ESPL1: variants seen among roughly 807,000 people sequenced by gnomAD.
The protein encoded by ESPL1 is extra spindle pole bodies like 1, separase.
ESPL1 carries 50 observed loss-of-function variants against 217.2 expected under a neutral mutation model. That is an observed-to-expected ratio of 0.23 (90% CI 0.18 to 0.29). The LOEUF is 0.29. Ranked by LOEUF, ESPL1 falls within the 10% of genes least tolerant of loss-of-function variation. The probability of loss-of-function intolerance (pLI) is 1.00; values close to 1 mark genes in which losing one functional copy is unlikely to be tolerated. For synonymous variants in ESPL1, 994 were observed against 1,081.3 expected (o/e 0.92, Z 1.58); for missense variants, 1,834 against 2,603.0 (o/e 0.70, Z 6.43).
chr12:53,268,427 G>T (rs568609502), intron 1 of ESPL1, 50 bp downstream of exon 1: 9 of 293,568 alleles, frequency 3.1e-5, no homozygotes, highest in Non-Finnish European at 5.8e-5. Context: ...AAGTGAAGGG[G>T]ATCCCCAGCG....
At chr12:53,275,973 G>A (rs528254744) in intron 7 of ESPL1, among the ~76,000 whole-genome samples, 1 of 152,304 alleles carries the variant, frequency 6.6e-6, no homozygotes, top group East Asian at 1.9e-4. Context: ...GATGAGACCT[G>A]AGGATGTGAA....
chr12:53,284,006 C>A, intron 16 of ESPL1, 52 bp from the exon 17 acceptor site: 2 of 1,338,872 alleles, frequency 1.5e-6, no homozygotes, highest in East Asian at 2.3e-5. Context: ...GAAAGACTCT[C>A]CAGGAAAACA....
intron 1 of ESPL1, 101 bp from the exon 2 acceptor site, chr12:53,268,654 T>G: frequency 1.5e-6 from 1 of 673,856 alleles, no homozygotes; most frequent in South Asian, 1.9e-5. Flanking sequence ...CGATGAAATT[T>G]CTGATGTGAT....
chr12:53,275,870 C>A (rs77770016), intron 7 of ESPL1, among the ~76,000 whole-genome samples: 3 of 151,904 alleles, frequency 2.0e-5, no homozygotes, highest in African/African-American at 7.3e-5. Context: ...CCAGCCTTCA[C>A]GTATGCTCTA....
intron 6 of ESPL1, among the ~76,000 whole-genome samples, chr12:53,273,597 G>A (rs1943713254): frequency 6.6e-6 from 1 of 150,848 alleles, no homozygotes; most frequent in Admixed American, 6.6e-5. Flanking sequence ...CGTCTCTACT[G>A]AAAATACAAA....
intron 22 of ESPL1, 142 bp from the exon 23 acceptor site, chr12:53,289,943 G>A: frequency 1.2e-6 from 1 of 854,480 alleles, no homozygotes; most frequent in Non-Finnish European, 1.8e-6. Flanking sequence ...AGCTATTAGA[G>A]CAAGGGAGAG....
At position 53,270,613 on chromosome 12, in the gene ESPL1, G is replaced by A. The variant is rs1005321855; in HGVS notation, c.1249-65G>A. The A allele has an allele frequency of 2.5e-6, 4 of 1,610,028 alleles. No individual in the cohort carries two copies. In the African/African-American group the frequency reaches 4.0e-5, roughly 16 times the overall value. ...GGGGTTGCTTGGCTTTGGGTGTGGA[G>A]TGCGGTGGAGGTCATCTTGGACCCA... On this transcript the variant is annotated intron_variant, in intron 4 of 30. Transcript: ENST00000257934.
At chr12:53,288,986 T>C in intron 20 of ESPL1, 104 bp from the exon 21 acceptor site, 1 of 941,414 alleles carries the variant, frequency 1.1e-6, no homozygotes, top group Admixed American at 2.0e-5. Flanking sequence ...GTAGTTGCTG[T>C]TTGCCATGTG....
In ESPL1 at chr12:53,292,932, G is replaced by A. The variant is rs953778236; in HGVS notation, c.6123G>A (p.Glu2041=). The A allele has an allele frequency of 2.5e-6, 4 of 1,613,790 alleles. No homozygotes were observed. The highest frequency in any genetic ancestry group is 1.1e-5 in the South Asian group (1 of 91,076). ...SAALAVRGNL[E]GAGIVLKYIM... ...CCCTGGCTGTGCGTGGAAACCTGGA[G>A]GGGGCTGGCATCGTGCTCAAGTACA... The change falls in exon 30 of 31, where the codon GAG becomes GAA. Residue 2041 remains glutamate, a synonymous_variant. Transcript: ENST00000257934. This position sits in a 1 kb window ranked among gnomAD's most constrained non-coding sequence, Gnocchi z 4.5.
At position 53,283,125 on chromosome 12, in the gene ESPL1, A is replaced by G; in HGVS notation, c.2792-4A>G. 1.2e-6 allele frequency: 2 copies of G among 1,614,138 alleles called. No homozygotes were observed. The highest frequency in any genetic ancestry group is 1.7e-6 in the Non-Finnish European group (2 of 1,180,028). ...TTCTCCCTTTTTCACCCCACCCACC[A>G]CAGGCTGGCAGACACCTGAGATAGC... On this transcript the variant is annotated splice_region_variant and splice_polypyrimidine_tract_variant and intron_variant, in intron 14 of 30. Coordinates refer to ENST00000257934, the MANE Select transcript of ESPL1 (RefSeq NM_012291.5).
chr12:53,291,946 T>C (rs1269600620), intron 26 of ESPL1, 38 bp from the exon 27 acceptor site: 27 of 1,608,342 alleles, frequency 1.7e-5, no homozygotes, highest in Non-Finnish European at 2.0e-5. Context: ...TGCATATACC[T>C]GGCTGGGGAC....
Position 53,286,680 on chromosome 12 carries a change from G to A in ESPL1, c.3944G>A (p.Arg1315His), listed in dbSNP as rs780384845. 7.4e-6 allele frequency: 12 copies of A among 1,614,128 alleles called. No individual in the cohort carries two copies. The highest frequency in any genetic ancestry group is 3.3e-5 in the South Asian group (3 of 91,086). Residue 1315 changes from arginine (R) to histidine (H), a missense_variant, in exon 18 of 31, where the codon CGT (arginine) becomes CAT (histidine). Coordinates refer to ENST00000257934, the MANE Select transcript of ESPL1 (RefSeq NM_012291.5). The surrounding 1 kb of genome is among the most constrained non-coding windows in gnomAD (Gnocchi z 5.3). ...CCCTCTAAGACTCAGGGCCAAAAACGTTCTGGACGAGGGCGCCAAAAGTTA... is the reference window on the plus strand; with the variant it reads ...CCCTCTAAGACTCAGGGCCAAAAACATTCTGGACGAGGGCGCCAAAAGTTA... ...SEPSKTQGQK[R>H]SGRGRQKLAS...
Position 53,282,226 on chromosome 12 carries a change from C to T in ESPL1, c.2620-38C>T, listed in dbSNP as rs1341900596. The stretch of plus-strand genomic sequence containing the variant: ...GCCTCTCAAGCTCTGGAGTGCCTGA[C>T]TGCCTTACTGCCTCCTCTGGCTCCT... On this transcript the variant is annotated intron_variant, in intron 13 of 30. Transcript: ENST00000257934. This position sits in a 1 kb window ranked among gnomAD's most constrained non-coding sequence, Gnocchi z 4.0. 1.3e-6 allele frequency: 2 copies of T among 1,596,770 alleles called. No homozygotes were observed. Among genetic ancestry groups the T allele is most frequent in the Non-Finnish European group, 8.6e-7 (1 of 1,165,252 alleles).
At position 53,286,118 on chromosome 12, in the gene ESPL1, G is replaced by T; in HGVS notation, c.3382G>T (p.Val1128Phe). The T allele has an allele frequency of 6.2e-7, 1 of 1,613,882 alleles. No individual in the cohort carries two copies. Among genetic ancestry groups the T allele is most frequent in the Non-Finnish European group, 8.5e-7 (1 of 1,179,792 alleles). Residue 1128 changes from valine to phenylalanine, a missense_variant, in exon 18 of 31, where the codon GTC (valine) becomes TTC (phenylalanine). Physicochemically the swap from Val to Phe is conservative, Grantham distance 50. Around this residue, in one of 5 missense-constraint regions of ESPL1, gnomAD observed 681 missense variants for 808.0 expected, o/e 0.84. Transcript: ENST00000257934. This position sits in a 1 kb window ranked among gnomAD's most constrained non-coding sequence, Gnocchi z 5.3. ...AGCACCTTCTACAAACTCCTCCCCA[G>T]TCTTGAAAACCAAGCCCCAGCCCAT... The part of the protein sequence containing the change: ...PIAPSTNSSP[V>F]LKTKPQPIPN...
At position 53,282,811 on chromosome 12, in the gene ESPL1, G is replaced by A. The variant is rs1235947653; in HGVS notation, c.2792-318G>A. Among the ~76,000 whole-genome samples, 7 of 152,108 alleles carry A rather than the reference G, an allele frequency of 4.6e-5. No individual in the cohort carries two copies. The highest frequency in any genetic ancestry group is 9.7e-5 in the African/African-American group (4 of 41,426). On this transcript the variant is annotated intron_variant, in intron 14 of 30. Transcript: ENST00000257934. The surrounding 1 kb of genome is among the most constrained non-coding windows in gnomAD (Gnocchi z 4.0). ...TGGGATTACTGGCATGCGCCACTAC[G>A]CCCGACTAATTTTTGTATTATTAGT...
In ESPL1 at chr12:53,292,684, G is replaced by A. The variant is rs1944084132; in HGVS notation, c.5996+27G>A. 2.4e-5 allele frequency: 39 copies of A among 1,605,068 alleles called. No individual in the cohort carries two copies. Among genetic ancestry groups the A allele is most frequent in the Non-Finnish European group, 3.0e-5 (35 of 1,172,874 alleles). On this transcript the variant is annotated intron_variant, in intron 29 of 30. Transcript: ENST00000257934. The surrounding 1 kb of genome is among the most constrained non-coding windows in gnomAD (Gnocchi z 4.5). Reference sequence around the variant, plus strand: ...TGAGTGCTTAAGGCAGGGATGTGGGGAGAGGGGCAGTCCTGAGGATGGTAT... The same window carrying A: ...TGAGTGCTTAAGGCAGGGATGTGGGAAGAGGGGCAGTCCTGAGGATGGTAT...
chr12:53,291,131 T>A, intron 25 of ESPL1, 135 bp downstream of exon 25: 1 of 661,812 alleles, frequency 1.5e-6, no homozygotes, highest in Non-Finnish European at 2.4e-6. Flanking sequence ...GGTGAAACCC[T>A]GTCTCTACGA....
Position 53,282,180 on chromosome 12 carries a change from TG to T in ESPL1, c.2620-80del. 8.7e-7 allele frequency: 1 copy of T among 1,148,290 alleles called. No homozygotes were observed. Among genetic ancestry groups the T allele is most frequent in the Non-Finnish European group, 1.3e-6 (1 of 774,006 alleles). 71.1% of individuals were successfully genotyped at this position (1,148,290 alleles called of 1,614,324 possible). ...TTCTAATACCCAGGGCCTTCAGGGA[TG>T]GGGCCACGTAATCTCCAGGGCCTCT... On this transcript the variant is annotated intron_variant, in intron 13 of 30. Coordinates refer to ENST00000257934, the MANE Select transcript of ESPL1 (RefSeq NM_012291.5). This position sits in a 1 kb window ranked among gnomAD's most constrained non-coding sequence, Gnocchi z 4.0.
chr12:53,270,637 C>T, intron 4 of ESPL1, 41 bp from the exon 5 acceptor site: 5 of 1,613,400 alleles, frequency 3.1e-6, no homozygotes, highest in African/African-American at 1.3e-5. Flanking sequence ...ATCTTGGACC[C>T]AGCATGACTC....
Sources: gnomAD v4.1 joint callset for allele counts (sites outside exome capture counted in the v4.1 genomes callset) on GRCh38, gnomAD v4.1.1 for gene constraint, gnomAD v4.1.1 regional missense constraint, Gnocchi (gnomAD v3.1) non-coding constraint, MANE v1.5 for transcripts, NCBI Gene and HGNC (gene_info 2026-07-23, HGNC 2026-07-21) for gene names.